The following OTOF variants were observed in gnomAD, a reference collection of about 807,000 sequenced individuals.
The protein encoded by OTOF is fer-1-like family member 2.
In OTOF, 218 loss-of-function variants were observed where a neutral mutation model predicts 236.8. That is an observed-to-expected ratio of 0.92 (90% CI 0.82 to 1.03). The LOEUF is 1.03. OTOF is among the 50% of genes least tolerant of loss of function. The pLI is 0.00. For missense variants in OTOF, 2,590 were observed against 2,694.4 expected (o/e 0.96, Z 0.86); for synonymous variants, 1,041 against 1,072.5 (o/e 0.97, Z 0.57).
chr2:26,515,359 A>G (rs1459930040), intron 5 of OTOF, among the ~76,000 whole-genome samples: 1 of 152,004 alleles, frequency 6.6e-6, no homozygotes, highest in Non-Finnish European at 1.5e-5. Flanking sequence ...GGTCACTTTG[A>G]CCTTGTTACT....
At chr2:26,472,671 C>A in intron 29 of OTOF, 22 bp from the exon 30 acceptor site, 2 of 1,611,436 alleles carry the variant, frequency 1.2e-6, no homozygotes, top group Non-Finnish European at 1.7e-6. Flanking sequence ...GATAGATGGA[C>A]AGACAGGCAG....
In OTOF at chr2:26,463,582, G is replaced by A; in HGVS notation, c.5104-11C>T. The A allele has an allele frequency of 6.3e-7, 1 of 1,591,094 alleles. No individual in the cohort carries two copies. Among genetic ancestry groups the A allele is most frequent in the Non-Finnish European group, 8.6e-7 (1 of 1,167,812 alleles). ...CAGCTCCAGGCGGCCCTGAGGAAGA[G>A]GGTTGTGGCAGATCTCCCAGGGCCT... On this transcript the variant is annotated splice_polypyrimidine_tract_variant and intron_variant, in intron 40 of 46. Coordinates refer to ENST00000272371, the MANE Select transcript of OTOF (RefSeq NM_194248.3).
chr2:26,511,171 C>A (rs1204682809), intron 5 of OTOF, among the ~76,000 whole-genome samples: 1 of 152,230 alleles, frequency 6.6e-6, no homozygotes, highest in Admixed American at 6.5e-5. Context: ...TCCCCTGCTC[C>A]CCTGCTCCCC....
intron 13 of OTOF, 25 bp downstream of exon 13, chr2:26,483,437 C>A (rs777705653): frequency 1.9e-6 from 3 of 1,610,430 alleles, no homozygotes; most frequent in Non-Finnish European, 1.7e-6. Flanking sequence ...CCAGCCCCAG[C>A]CTCCTGTACC....
At chr2:26,556,934 C>G (rs952783271) in intron 1 of OTOF, among the ~76,000 whole-genome samples, 4 of 152,338 alleles carry the variant, frequency 2.6e-5, no homozygotes, top group Middle Eastern at 3.4e-3. Flanking sequence ...TTTTCTAAAG[C>G]CAGCATGAGC....
chr2:26,506,722 C>T lies in OTOF; in HGVS notation c.510-2877G>A, dbSNP rs146811059. On this transcript the variant is annotated intron_variant, in intron 5 of 46. Transcript: ENST00000272371. ...TTAAAAAACTATACTTGTCCTGGTC[C>T]GGTGCGGTGACTCACACCTGTAATC... Among the ~76,000 whole-genome samples, 545 of 152,246 alleles carry T rather than the reference C, an allele frequency of 3.6e-3. 4 individuals carry two copies. Among genetic ancestry groups the T allele is most frequent in the African/African-American group, 0.012 (512 of 41,550 alleles).
At position 26,464,962 on chromosome 2, in the gene OTOF, C is replaced by G. The variant is rs745568486; in HGVS notation, c.4867G>C (p.Gly1623Arg). 6 of 1,561,320 alleles carry G rather than the reference C, an allele frequency of 3.8e-6. No homozygotes were observed. The highest frequency in any genetic ancestry group is 5.2e-6 in the Non-Finnish European group (6 of 1,151,244). The change falls in exon 39 of 47, where the codon GGC becomes CGC. Residue 1623 changes from glycine to arginine, a missense_variant. By Grantham distance (125) the Gly-to-Arg change is moderately radical. Transcript: ENST00000272371. ...CCAAAGTGGGGGCCGTCCACTTTGC[C>G]GTCTTTGCAGAGGCGGGTCAGGATC... ...SQILTRLCKDGKVDGPHFGPP... is the reference protein window; with the variant it reads ...SQILTRLCKDRKVDGPHFGPP...
Position 26,480,832 on chromosome 2 carries a change from G to T in OTOF, c.1757C>A (p.Thr586Asn). The T allele has an allele frequency of 6.2e-7, 1 of 1,612,816 alleles. No homozygotes were observed. Among genetic ancestry groups the T allele is most frequent in the Non-Finnish European group, 8.5e-7 (1 of 1,179,944 alleles). The change falls in exon 15 of 47, where the codon ACC becomes AAC. Residue 586 changes from threonine to asparagine, a missense_variant. Around this residue, in one of 2 missense-constraint regions of OTOF, gnomAD observed 1,379 missense variants for 1,341.6 expected, o/e 1.03. Coordinates refer to ENST00000272371, the MANE Select transcript of OTOF (RefSeq NM_194248.3). ...CTCCACCTGCACCTCTGTGGAGCTGGTGAGCTCAGGGTTGGAGGTGTCTAC... is the reference window on the plus strand; with the variant it reads ...CTCCACCTGCACCTCTGTGGAGCTGTTGAGCTCAGGGTTGGAGGTGTCTAC... ...EIVDTSNPEL[T>N]SSTEVQVEQA...
chr2:26,459,674 T>A (rs998946529), intron 46 of OTOF, among the ~76,000 whole-genome samples: 1 of 152,144 alleles, frequency 6.6e-6, no homozygotes, highest in Non-Finnish European at 1.5e-5. Context: ...GTCCCGGCTC[T>A]ACCCTAATTT....
In OTOF at chr2:26,474,598, C is replaced by T. The variant is rs180748688; in HGVS notation, c.3203G>A (p.Arg1068His). 239 of 1,613,230 alleles carry T rather than the reference C, an allele frequency of 1.5e-4. 2 individuals are homozygous for T. In the African/African-American group the frequency reaches 2.1e-3, roughly 14 times the overall value. Residue 1068 changes from arginine to histidine, a missense_variant, in exon 26 of 47, where the codon CGC becomes CAC. By Grantham distance (29) the Arg-to-His change is conservative. Around this residue, in one of 2 missense-constraint regions of OTOF, gnomAD observed 1,211 missense variants for 1,352.8 expected, o/e 0.90. Coordinates refer to ENST00000272371, the MANE Select transcript of OTOF (RefSeq NM_194248.3). ...KMADEAYCPP[R>H]FPPQLEYYQI... ...GTAGTACTCGAGCTGAGGTGGGAAG[C>T]GGGGTGGGCAGTACGCCTCGTCTGC...
intron 12 of OTOF, 30 bp downstream of exon 12, chr2:26,484,438 GCTCAGA>G: frequency 6.2e-7 from 1 of 1,612,312 alleles, no homozygotes; most frequent in Non-Finnish European, 8.5e-7. Context: ...GGAAGGGCTG[GCTCAGA>G]CTCCAGGGGC....
chr2:26,485,983 G>A lies in OTOF; in HGVS notation c.1046-1350C>T, dbSNP rs569776475. On this transcript the variant is annotated intron_variant, in intron 11 of 46. Transcript: ENST00000272371. ...AGCTTCAGGTCTTGCCAGAGCAGAT[G>A]TGTGTCGGATGAGGAGATGGACAGA... 6.6e-5 allele frequency among the ~76,000 whole-genome samples: 10 copies of A among 152,370 alleles called. No homozygotes were observed. In the South Asian group the frequency reaches 1.9e-3, roughly 28 times the overall value.
Position 26,479,538 on chromosome 2 carries a change from G to A in OTOF, c.2028C>T (p.Ala676=), listed in dbSNP as rs752294415. The part of the protein sequence containing the change: ...DLIQNASDDE[A]GDAGDLASVS... ...CTGAGGCCAGGTCCCCGGCATCACC[G>A]GCCTCGTCATCACTTGCGTTCTGAA... The change falls in exon 17 of 47, where the codon GCC becomes GCT. Residue 676 remains alanine (A), a synonymous_variant. Coordinates refer to ENST00000272371, the MANE Select transcript of OTOF (RefSeq NM_194248.3). 13 of 1,610,656 alleles carry A rather than the reference G, an allele frequency of 8.1e-6. No individual in the cohort carries two copies. The Admixed American group carries it at 1.3e-4, about 17-fold the overall frequency.
At chr2:26,481,596 T>A (rs1364741842) in intron 14 of OTOF, among the ~76,000 whole-genome samples, 1 of 152,208 alleles carries the variant, frequency 6.6e-6, no homozygotes, top group African/African-American at 2.4e-5. Context: ...TATAGCATTT[T>A]AAAAATTTAG....
intron 2 of OTOF, among the ~76,000 whole-genome samples, chr2:26,532,829 G>A (rs557300100): frequency 6.6e-6 from 1 of 152,172 alleles, no homozygotes; most frequent in South Asian, 2.1e-4. Flanking sequence ...TTTCCCTGAT[G>A]TACCTTGGAG....
Position 26,537,730 on chromosome 2 carries a change from C to T in OTOF, c.124G>A (p.Ala42Thr), listed in dbSNP as rs868651321. 1 of 1,554,992 alleles carries T rather than the reference C, an allele frequency of 6.4e-7. No individual in the cohort carries two copies. Among genetic ancestry groups the T allele is most frequent in the Admixed American group, 1.9e-5 (1 of 51,820 alleles). ...SRVLENCEDVADFDETFRWPV... is the reference protein window; with the variant it reads ...SRVLENCEDVTDFDETFRWPV... Reference sequence around the variant, plus strand: ...GGGCCTCCTACCTCATCAAAGTCAGCCACATCCTCACAGTTCTCCAGGACC... The same window carrying T: ...GGGCCTCCTACCTCATCAAAGTCAGTCACATCCTCACAGTTCTCCAGGACC... The change falls in exon 2 of 47, where the codon GCT becomes ACT. Residue 42 changes from alanine (A) to threonine (T), a missense_variant. Physicochemically the swap from Ala to Thr is moderately conservative, Grantham distance 58. Coordinates refer to ENST00000272371, the MANE Select transcript of OTOF (RefSeq NM_194248.3).
rs773645790 is a variant in OTOF at position 26,470,679 on chromosome 2, C to T, written c.3937G>A (p.Ala1313Thr). Reference protein sequence around the residue: ...KEKKKKKKGTAEEPEEEEPDE... With the variant: ...KEKKKKKKGTTEEPEEEEPDE... The stretch of plus-strand genomic sequence containing the variant: ...GGCTCCTCCTCCTCTGGCTCCTCCG[C>T]AGTGCCCTTCTTCTTCTTCTTCTTC... The change falls in exon 32 of 47, where the codon GCG becomes ACG. Residue 1313 changes from alanine (A) to threonine (T), a missense_variant. Physicochemically the swap from Ala to Thr is moderately conservative, Grantham distance 58. Coordinates refer to ENST00000272371, the MANE Select transcript of OTOF (RefSeq NM_194248.3). The surrounding 1 kb of genome is among the most constrained non-coding windows in gnomAD (Gnocchi z 4.3). 6.2e-7 allele frequency: 1 copy of T among 1,613,772 alleles called. No individual in the cohort carries two copies. Among genetic ancestry groups the T allele is most frequent in the Non-Finnish European group, 8.5e-7 (1 of 1,179,854 alleles).
At position 26,492,642 on chromosome 2, in the gene OTOF, G is replaced by A. The variant is rs570100518; in HGVS notation, c.897+2300C>T. Among the ~76,000 whole-genome samples, 124 of 152,262 alleles carry A rather than the reference G, an allele frequency of 8.1e-4. 2 individuals are homozygous for A. The highest frequency in any genetic ancestry group is 2.9e-3 in the South Asian group (14 of 4,818). ...TCAGTGGATGTTTGTGTCTTCCTTT[G>A]GGTGAGTGTTACTGAACCCCTCCGA... On this transcript the variant is annotated intron_variant, in intron 9 of 46. Transcript: ENST00000272371.
At chr2:26,491,269 A>G (rs1170749212) in intron 9 of OTOF, among the ~76,000 whole-genome samples, 1 of 152,146 alleles carries the variant, frequency 6.6e-6, no homozygotes, top group Non-Finnish European at 1.5e-5. Flanking sequence ...CCTTGAGGAG[A>G]GCAGTGTCAA....
Sources: allele counts gnomAD v4.1 joint callset (sites outside exome capture counted in the v4.1 genomes callset), GRCh38; gene constraint gnomAD v4.1.1; regional missense constraint gnomAD v4.1.1; non-coding constraint Gnocchi (gnomAD v3.1); transcripts MANE v1.5; gene names NCBI Gene and HGNC (gene_info 2026-07-23, HGNC 2026-07-21).